Variants in PEAK1 observed in about 807,000 individuals in gnomAD.
PEAK1 encodes the protein pseudopodium enriched atypical kinase 1.
PEAK1 carries 54 observed loss-of-function variants against 124.7 expected under a neutral mutation model. That is an observed-to-expected ratio of 0.43 (90% CI 0.35 to 0.54). The LOEUF is 0.54. Among genes scored for constraint, PEAK1 ranks in the 20% least tolerant of loss-of-function variants. The pLI is 0.01. For missense variants in PEAK1, 2,046 were observed against 2,134.5 expected, an observed-to-expected ratio of 0.96 and a Z score of 0.82; for synonymous variants, 719 against 760.0, an observed-to-expected ratio of 0.95 and a Z score of 0.89.
chr15:77,120,435 C>T (rs1485861308), intron 9 of PEAK1, among the ~76,000 whole-genome samples: 1 of 152,202 alleles, frequency 6.6e-6, no homozygotes, highest in Non-Finnish European at 1.5e-5. Context: ...CCCAGTACTC[C>T]CTCTCTTGAT....
chr15:77,176,264 A>G (rs1272771133), intron 7 of PEAK1, among the ~76,000 whole-genome samples: 1 of 143,142 alleles, frequency 7.0e-6, no homozygotes, highest in East Asian at 2.0e-4. Context: ...ATAAGAAGAA[A>G]AAAAAAAGAA....
At chr15:77,167,449 C>T (rs2056181423) in intron 7 of PEAK1, among the ~76,000 whole-genome samples, 1 of 152,170 alleles carries the variant, frequency 6.6e-6, no homozygotes, top group Non-Finnish European at 1.5e-5. Flanking sequence ...TTCTCTAAAA[C>T]ATGATTATTT....
At chr15:77,172,054 A>G (rs982655634) in intron 7 of PEAK1, among the ~76,000 whole-genome samples, 80 of 152,306 alleles carry the variant, frequency 5.3e-4, no homozygotes, top group African/African-American at 1.9e-3. Flanking sequence ...TTTTTAGATA[A>G]CTGTAGATAT....
intron 6 of PEAK1, among the ~76,000 whole-genome samples, chr15:77,251,672 C>T (rs1037130697): frequency 1.3e-5 from 2 of 152,182 alleles, no homozygotes; most frequent in South Asian, 2.1e-4. Flanking sequence ...AGAGGTGGGG[C>T]TCAGACACTG....
chr15:77,368,855 A>G (rs971663938), intron 1 of PEAK1, among the ~76,000 whole-genome samples: 11 of 152,242 alleles, frequency 7.2e-5, no homozygotes, highest in Admixed American at 2.6e-4. Flanking sequence ...AAAATCTGAG[A>G]TAACTACTCC....
At chr15:77,414,207 C>CTTT (rs71145827) in intron 1 of PEAK1, among the ~76,000 whole-genome samples, 23 of 67,918 alleles carry the variant, frequency 3.4e-4, no homozygotes, top group African/African-American at 5.8e-4. Flanking sequence ...TTCTTTCCTT[C>CTTT]TTTTTTTTTT....
chr15:77,342,213 C>T (rs76527001), intron 2 of PEAK1, among the ~76,000 whole-genome samples: 1 of 149,622 alleles, frequency 6.7e-6, no homozygotes, highest in Non-Finnish European at 1.5e-5. Context: ...TTTAAGTGTA[C>T]AATTCAGTAA....
chr15:77,137,504 A>G (rs2053433716), intron 8 of PEAK1, among the ~76,000 whole-genome samples: 1 of 152,312 alleles, frequency 6.6e-6, no homozygotes, highest in Non-Finnish European at 1.5e-5. Context: ...CAAGACATGG[A>G]ATCAAGGGAG....
chr15:77,335,919 A>G (rs1006143514), intron 2 of PEAK1: 35 of 985,320 alleles, frequency 3.6e-5, no homozygotes, highest in Non-Finnish European at 4.1e-5. Context: ...AACAAATGCC[A>G]CAATAAGAAC....
chr15:77,250,443 TG>T (rs1433437688), intron 6 of PEAK1, among the ~76,000 whole-genome samples: 2 of 151,010 alleles, frequency 1.3e-5, no homozygotes, highest in Non-Finnish European at 2.9e-5. Context: ...GTTTGTTTTT[TG>T]TTTTTTGAGA....
At chr15:77,194,727 G>A (rs527440024) in intron 6 of PEAK1, among the ~76,000 whole-genome samples, 1 of 152,234 alleles carries the variant, frequency 6.6e-6, no homozygotes, top group East Asian at 1.9e-4. Flanking sequence ...TCTGCTATCT[G>A]GTTTCATAGA....
chr15:77,382,521 C>T (rs2069569474), intron 1 of PEAK1, among the ~76,000 whole-genome samples: 2 of 152,100 alleles, frequency 1.3e-5, no homozygotes, highest in Non-Finnish European at 2.9e-5. Flanking sequence ...TTCAATACAC[C>T]CCTCTCTAAC....
At chr15:77,346,373 C>G in intron 2 of PEAK1, 2 of 984,562 alleles carry the variant, frequency 2.0e-6, no homozygotes, top group Non-Finnish European at 2.4e-6. Flanking sequence ...GTTCTATAAT[C>G]CCAGACAGAA....
chr15:77,172,934 A>G (rs929708414), intron 7 of PEAK1, among the ~76,000 whole-genome samples: 1 of 152,132 alleles, frequency 6.6e-6, no homozygotes, highest in Non-Finnish European at 1.5e-5. Flanking sequence ...TAAAATTTTT[A>G]GTAGAGACAA....
intron 2 of PEAK1, among the ~76,000 whole-genome samples, chr15:77,322,376 C>T (rs544882337): frequency 2.0e-5 from 3 of 151,994 alleles, no homozygotes; most frequent in South Asian, 2.1e-4. Context: ...ATTGATAGAC[C>T]GCTAGCTAGA....
At chr15:77,259,100 C>G (rs887506596) in intron 5 of PEAK1, among the ~76,000 whole-genome samples, 2 of 152,108 alleles carry the variant, frequency 1.3e-5, no homozygotes, top group African/African-American at 4.8e-5. Flanking sequence ...GTAGTTGTTA[C>G]AGTAACTAAA....
chr15:77,302,036 G>A (rs951249788), intron 2 of PEAK1, among the ~76,000 whole-genome samples: 9 of 151,592 alleles, frequency 5.9e-5, no homozygotes, highest in African/African-American at 9.8e-5. Context: ...TACTCCTATC[G>A]TTGTGTCTTG....
intron 2 of PEAK1, chr15:77,347,673 C>T: frequency 2.1e-6 from 2 of 973,590 alleles, no homozygotes; most frequent in Non-Finnish European, 2.4e-6. Context: ...AAACAACACC[C>T]TCCTAAAACA....
chr15:77,337,742 T>G, intron 2 of PEAK1: 1 of 985,328 alleles, frequency 1.0e-6, no homozygotes, highest in Non-Finnish European at 1.2e-6. Context: ...ATAGTGTCAC[T>G]AGAAGAAGAG....
Sources: gnomAD v4.1 joint callset for allele counts (sites outside exome capture counted in the v4.1 genomes callset) on GRCh38, gnomAD v4.1.1 for gene constraint, MANE v1.5 for transcripts, NCBI Gene and HGNC (gene_info 2026-07-23, HGNC 2026-07-21) for gene names.